The following GRIA4 variants were observed in gnomAD, a reference collection of about 807,000 sequenced individuals.
The protein encoded by GRIA4 is glutamate receptor 4.
A neutral mutation model predicts 104.0 loss-of-function variants in GRIA4; 34 were observed. The ratio of observed to expected loss-of-function variants is 0.33; its 90% CI spans 0.25 to 0.44. The LOEUF (loss-of-function observed/expected upper bound fraction) is 0.44, where lower values mean the gene tolerates loss of function less well. GRIA4 is among the 20% of genes least tolerant of loss of function. The pLI is 1.00. For missense variants in GRIA4, 750 were observed against 1,096.5 expected (o/e 0.68, Z 4.46); for synonymous variants, 386 against 381.9 (o/e 1.01, Z -0.13).
At chr11:105,703,848 C>G (rs1351144692) in intron 3 of GRIA4, among the ~76,000 whole-genome samples, 2 of 151,854 alleles carry the variant, frequency 1.3e-5, no homozygotes, top group African/African-American at 4.8e-5. Flanking sequence ...TAGACTTAAC[C>G]TATGTCATCT....
chr11:105,708,797 G>A (rs1953802281), intron 3 of GRIA4, among the ~76,000 whole-genome samples: 1 of 151,828 alleles, frequency 6.6e-6, no homozygotes, highest in African/African-American at 2.4e-5. Flanking sequence ...CTCCTGTGTT[G>A]GGTTGAAATA....
At chr11:105,898,544 G>T (rs1244535548) in intron 7 of GRIA4, 117 bp downstream of exon 7, 1 of 660,632 alleles carries the variant, frequency 1.5e-6, no homozygotes, top group East Asian at 2.8e-5. Context: ...TGGGAAAAAA[G>T]CATTTTGTCC....
At chr11:105,870,230 T>TTTTAGAATA (rs1945563928) in intron 5 of GRIA4, among the ~76,000 whole-genome samples, 1 of 150,542 alleles carries the variant, frequency 6.6e-6, no homozygotes, top group Non-Finnish European at 1.5e-5. Context: ...TAATTTATTC[T>TTTTAGAATA]AATTCTTTTA....
intron 3 of GRIA4, among the ~76,000 whole-genome samples, chr11:105,740,004 G>C (rs1372931696): frequency 6.6e-6 from 1 of 152,050 alleles, no homozygotes; most frequent in Non-Finnish European, 1.5e-5. Flanking sequence ...CTCAATTCTA[G>C]GCTCTACATT....
intron 3 of GRIA4, among the ~76,000 whole-genome samples, chr11:105,697,245 G>A (rs1953313603): frequency 1.3e-5 from 2 of 152,182 alleles, no homozygotes; most frequent in East Asian, 3.9e-4. Context: ...ACCTGTATTG[G>A]AAAACAGCAT....
At chr11:105,912,376 C>T in intron 10 of GRIA4, 1 of 966,426 alleles carries the variant, frequency 1.0e-6, no homozygotes, top group African/African-American at 1.8e-5. Context: ...TAGAGAATCT[C>T]CTTTCCATCC....
intron 6 of GRIA4, among the ~76,000 whole-genome samples, chr11:105,896,419 T>C (rs1169390182): frequency 6.6e-6 from 1 of 152,186 alleles, no homozygotes; most frequent in Non-Finnish European, 1.5e-5. Context: ...GCAGAAGCTC[T>C]TTAGTTTAGT....
intron 16 of GRIA4, among the ~76,000 whole-genome samples, chr11:105,979,122 A>C (rs1859143192): frequency 6.6e-6 from 1 of 152,242 alleles, no homozygotes; most frequent in South Asian, 2.1e-4. Flanking sequence ...AAGATCTGTC[A>C]TGAATAGTCT....
At chr11:105,751,249 A>G (rs1488241713) in intron 3 of GRIA4, among the ~76,000 whole-genome samples, 1 of 152,206 alleles carries the variant, frequency 6.6e-6, no homozygotes, top group African/African-American at 2.4e-5. Flanking sequence ...CAAGAAAATC[A>G]GTAGAACAAA....
intron 3 of GRIA4, among the ~76,000 whole-genome samples, chr11:105,710,587 T>C (rs1449241838): frequency 2.6e-5 from 4 of 152,290 alleles, no homozygotes; most frequent in Middle Eastern, 3.4e-3. Flanking sequence ...GGTAGATTTA[T>C]TCAATATTAG....
chr11:105,670,121 A>G (rs1952313132), intron 3 of GRIA4, among the ~76,000 whole-genome samples: 1 of 152,160 alleles, frequency 6.6e-6, no homozygotes, highest in Non-Finnish European at 1.5e-5. Context: ...TAAAAGAGTA[A>G]TGAGAATATA....
chr11:105,673,700 G>C (rs1297090333), intron 3 of GRIA4, among the ~76,000 whole-genome samples: 2 of 151,926 alleles, frequency 1.3e-5, no homozygotes, highest in African/African-American at 2.4e-5. Flanking sequence ...CATCTCACAT[G>C]AAAGAGCTTT....
At chr11:105,958,698 C>T (rs1436732383) in intron 14 of GRIA4, among the ~76,000 whole-genome samples, 2 of 152,020 alleles carry the variant, frequency 1.3e-5, no homozygotes, top group African/African-American at 4.8e-5. Context: ...GGCACCAGCT[C>T]CTCTTTGTAC....
At position 105,881,696 on chromosome 11, in the gene GRIA4, A is replaced by AAC. The variant is rs35127883; in HGVS notation, c.673-5806_673-5805dup. On this transcript the variant is annotated intron_variant, in intron 5 of 16. Transcript: ENST00000282499. ...ACGTCTCCAAGTATAGAAGAAAATA[A>AAC]ACACACACACACACACACGCCCCTG... 2.4e-3 allele frequency among the ~76,000 whole-genome samples: 355 copies of AAC among 150,796 alleles called. 2 individuals carry two copies. Among genetic ancestry groups the AAC allele is most frequent in the South Asian group, 5.9e-3 (28 of 4,764 alleles).
intron 3 of GRIA4, among the ~76,000 whole-genome samples, chr11:105,749,351 T>C (rs1328013870): frequency 6.6e-6 from 1 of 152,054 alleles, no homozygotes; most frequent in Non-Finnish European, 1.5e-5. Flanking sequence ...ATAGGAAGCA[T>C]GAGGTCAGGA....
At chr11:105,951,612 C>T (rs1364871874) in intron 14 of GRIA4, among the ~76,000 whole-genome samples, 3 of 152,084 alleles carry the variant, frequency 2.0e-5, no homozygotes, top group East Asian at 3.9e-4. Flanking sequence ...TTGATATTTT[C>T]TCAATATTAT....
intron 13 of GRIA4, 31 bp from the exon 14 acceptor site, chr11:105,933,691 C>T (rs774127930): frequency 6.8e-7 from 1 of 1,475,042 alleles, no homozygotes; most frequent in South Asian, 1.3e-5. Flanking sequence ...CCCTTCTTTC[C>T]TGTATTTAAT....
At chr11:105,764,598 C>T (rs972562000) in intron 4 of GRIA4, among the ~76,000 whole-genome samples, 3 of 152,084 alleles carry the variant, frequency 2.0e-5, no homozygotes, top group South Asian at 2.1e-4. Flanking sequence ...GACCCCCCTA[C>T]TCCCACCCTG....
rs190781152 is a variant in GRIA4 at position 105,688,453 on chromosome 11, G to A, written c.248-64528G>A. ...GCGTGCGCCTGTAGTCCCAGCTACT[G>A]GGGAGGCTGAGGCAGGAGAATGGCG... On this transcript the variant is annotated intron_variant, in intron 3 of 16. Transcript: ENST00000282499. 4.0e-3 allele frequency among the ~76,000 whole-genome samples: 604 copies of A among 151,984 alleles called. 12 individuals are homozygous for A. In the East Asian group the frequency reaches 0.053, roughly 13 times the overall value.
Sources: gnomAD v4.1 joint callset for allele counts (sites outside exome capture counted in the v4.1 genomes callset) on GRCh38, gnomAD v4.1.1 for gene constraint, MANE v1.5 for transcripts, NCBI Gene and HGNC (gene_info 2026-07-23, HGNC 2026-07-21) for gene names.